ADGRL3: variants seen among roughly 807,000 people sequenced by gnomAD.
The protein encoded by ADGRL3 is calcium-independent alpha-latrotoxin receptor 3.
A neutral mutation model predicts 153.5 loss-of-function variants in ADGRL3; 62 were observed. The observed-to-expected ratio is 0.40, with a 90% CI of 0.33 to 0.50. The LOEUF is 0.50. Ranked by LOEUF, ADGRL3 falls within the 20% of genes least tolerant of loss-of-function variation. The pLI, the probability that ADGRL3 is intolerant of heterozygous loss-of-function variation, is 0.47. For synonymous variants in ADGRL3, 710 were observed against 672.5 expected (o/e 1.06, Z -0.86); for missense variants, 1,641 against 1,859.4 (o/e 0.88, Z 2.16).
At chr4:61,813,770 C>A in intron 8 of ADGRL3, 39 bp from the exon 9 acceptor site, 2 of 1,602,496 alleles carry the variant, frequency 1.2e-6, no homozygotes, top group Non-Finnish European at 1.7e-6. Context: ...AAAAGACATA[C>A]GTATGATGTC....
At chr4:61,373,236 A>G (rs1029657464) in intron 1 of ADGRL3, among the ~76,000 whole-genome samples, 4 of 152,312 alleles carry the variant, frequency 2.6e-5, no homozygotes, top group African/African-American at 9.6e-5. Flanking sequence ...CTATTCGGCC[A>G]TCTTGGCTCC....
chr4:61,763,967 T>C (rs2096942886), intron 8 of ADGRL3, among the ~76,000 whole-genome samples: 1 of 152,174 alleles, frequency 6.6e-6, no homozygotes. Context: ...TCAGAATACA[T>C]AGCTATTTTT....
intron 1 of ADGRL3, among the ~76,000 whole-genome samples, chr4:61,352,278 T>A (rs536067911): frequency 2.6e-5 from 4 of 152,228 alleles, no homozygotes; most frequent in Non-Finnish European, 4.4e-5. Flanking sequence ...TATAACTTGC[T>A]GAAGGCTCAG....
chr4:61,524,820 G>T lies in ADGRL3; in HGVS notation c.259+7302G>T, dbSNP rs527693838. Among the ~76,000 whole-genome samples, 25 of 152,200 alleles carry T rather than the reference G, an allele frequency of 1.6e-4. No individual in the cohort carries two copies. The East Asian group carries it at 4.4e-3, about 27-fold the overall frequency. On this transcript the variant is annotated intron_variant, in intron 4 of 26. Transcript: ENST00000683033. Reference sequence around the variant, plus strand: ...ATATAATGGAAGATCCATGAAAAATGTTTAATAAATTCATTTATTGTTAAT... The same window carrying T: ...ATATAATGGAAGATCCATGAAAAATTTTTAATAAATTCATTTATTGTTAAT...
At chr4:61,841,626 C>T (rs571934266) in intron 9 of ADGRL3, among the ~76,000 whole-genome samples, 1 of 152,214 alleles carries the variant, frequency 6.6e-6, no homozygotes, top group African/African-American at 2.4e-5. Flanking sequence ...AAGGAATACA[C>T]CTGTGAGATC....
intron 2 of ADGRL3, among the ~76,000 whole-genome samples, chr4:61,465,484 A>G (rs2097867870): frequency 6.6e-6 from 1 of 152,038 alleles, no homozygotes; most frequent in Non-Finnish European, 1.5e-5. Flanking sequence ...TTGCAAAGCC[A>G]TATTGGTCCT....
chr4:61,527,881 G>C (rs2098580305), intron 4 of ADGRL3, among the ~76,000 whole-genome samples: 1 of 152,078 alleles, frequency 6.6e-6, no homozygotes, highest in African/African-American at 2.4e-5. Context: ...CACTTTAACA[G>C]CATCATATCA....
At chr4:61,381,458 C>T (rs1464480988) in intron 1 of ADGRL3, among the ~76,000 whole-genome samples, 3 of 151,810 alleles carry the variant, frequency 2.0e-5, no homozygotes, top group East Asian at 3.9e-4. Flanking sequence ...TCTAGCAATT[C>T]ATATTGTAGT....
chr4:61,285,591 A>T (rs1178020487), intron 1 of ADGRL3, among the ~76,000 whole-genome samples: 1 of 151,838 alleles, frequency 6.6e-6, no homozygotes. Flanking sequence ...ACAGTTAGGC[A>T]TTGTTGTAAA....
chr4:61,748,445 C>T (rs1214642080), intron 8 of ADGRL3, among the ~76,000 whole-genome samples: 4 of 151,256 alleles, frequency 2.6e-5, no homozygotes, highest in Non-Finnish European at 4.4e-5. Flanking sequence ...CATCACGCTA[C>T]CTGACTTCAA....
intron 3 of ADGRL3, among the ~76,000 whole-genome samples, chr4:61,502,570 A>G (rs2152832053): frequency 6.7e-6 from 1 of 150,246 alleles, no homozygotes; most frequent in African/African-American, 2.4e-5. Flanking sequence ...CCTGCATTTT[A>G]TCATGTGCAA....
intron 4 of ADGRL3, among the ~76,000 whole-genome samples, chr4:61,527,837 A>G (rs780550374): frequency 6.6e-6 from 1 of 152,184 alleles, no homozygotes; most frequent in Non-Finnish European, 1.5e-5. Flanking sequence ...AAAACTAAGC[A>G]TAACTTAAAA....
At chr4:61,272,303 T>C (rs1192302056) in intron 1 of ADGRL3, among the ~76,000 whole-genome samples, 1 of 151,856 alleles carries the variant, frequency 6.6e-6, no homozygotes, top group African/African-American at 2.4e-5. Context: ...GACAAAAAAA[T>C]CAGTATATGG....
chr4:61,733,269 G>A lies in ADGRL3; in HGVS notation c.1114G>A (p.Ala372Thr), dbSNP rs1199855981. ...ACGGATCGAAGGAACATGGGATACT[G>A]CATATGATAAAAGGTCAGCTTCCAA... is the stretch of plus-strand genomic sequence containing the variant. ...TLRIEGTWDT[A>T]YDKRSASNAF... The change falls in exon 8 of 27, where the codon GCA (alanine) becomes ACA (threonine). Residue 372 changes from alanine to threonine, a missense_variant. Physicochemically the swap from Ala to Thr is moderately conservative, Grantham distance 58. Coordinates refer to ENST00000683033, the MANE Select transcript of ADGRL3 (RefSeq NM_001387552.1). 6 of 1,613,638 alleles carry A rather than the reference G, an allele frequency of 3.7e-6. No individual in the cohort carries two copies. In the East Asian group the frequency reaches 8.9e-5, roughly 24 times the overall value.
At chr4:62,028,559 T>G (rs1720183338) in intron 21 of ADGRL3, among the ~76,000 whole-genome samples, 1 of 151,894 alleles carries the variant, frequency 6.6e-6, no homozygotes, top group East Asian at 1.9e-4. Flanking sequence ...AGAAATGTGA[T>G]CTCTAAGAAA....
intron 3 of ADGRL3, among the ~76,000 whole-genome samples, chr4:61,512,095 C>T (rs1256199711): frequency 6.7e-6 from 1 of 149,440 alleles, no homozygotes; most frequent in African/African-American, 2.5e-5. Context: ...GGTCTCTTCT[C>T]TGCCCCCCAA....
intron 1 of ADGRL3, among the ~76,000 whole-genome samples, chr4:61,372,763 C>G (rs10029515): frequency 0.6 from 90,437 of 150,800 alleles, 27,404 homozygotes; most frequent in Middle Eastern, 0.78. Context: ...CCACCCAGTT[C>G]GAGCTTCCCG....
At position 61,298,304 on chromosome 4, in the gene ADGRL3, A is replaced by G. The variant is rs116381983; in HGVS notation, c.-239-84820A>G. 6.5e-3 allele frequency among the ~76,000 whole-genome samples: 986 copies of G among 152,308 alleles called. 3 individuals carry two copies. Among genetic ancestry groups the G allele is most frequent in the Non-Finnish European group, 9.8e-3 (670 of 68,022 alleles). ...TAGTAATATTCAAGGGAATAGAATTAGATTAATTTCATTTATACCATGTTA... is the reference window on the plus strand; with the variant it reads ...TAGTAATATTCAAGGGAATAGAATTGGATTAATTTCATTTATACCATGTTA... On this transcript the variant is annotated intron_variant, in intron 1 of 26. Coordinates refer to ENST00000683033, the MANE Select transcript of ADGRL3 (RefSeq NM_001387552.1).
intron 1 of ADGRL3, among the ~76,000 whole-genome samples, chr4:61,276,735 G>A (rs887544957): frequency 1.3e-5 from 2 of 151,964 alleles, no homozygotes; most frequent in Admixed American, 1.3e-4. Context: ...GAAGACAACT[G>A]AAATTTAGAA....
Sources: allele counts gnomAD v4.1 joint callset (sites outside exome capture counted in the v4.1 genomes callset), GRCh38; gene constraint gnomAD v4.1.1; transcripts MANE v1.5; gene names NCBI Gene and HGNC (gene_info 2026-07-23, HGNC 2026-07-21).